The following TMEM131 variants were observed in gnomAD, a reference collection of about 807,000 sequenced individuals.
TMEM131 encodes 2610524E03Rik.
In TMEM131, 66 loss-of-function variants were observed where a neutral mutation model predicts 211.6. The observed-to-expected ratio is 0.31, with a 90% CI of 0.26 to 0.38. TMEM131 has a LOEUF of 0.38. Ranked by LOEUF, TMEM131 falls within the 10% of genes least tolerant of loss-of-function variation. TMEM131 has a pLI of 1.00. For missense variants in TMEM131, 2,036 were observed against 2,299.3 expected (o/e 0.89, Z 2.34); for synonymous variants, 844 against 841.3 (o/e 1.00, Z -0.06).
intron 4 of TMEM131, among the ~76,000 whole-genome samples, chr2:97,873,844 A>T (rs1674585395): frequency 6.6e-6 from 1 of 152,256 alleles, no homozygotes; most frequent in African/African-American, 2.4e-5. Flanking sequence ...CTCGCCAGCA[A>T]GGGAACAAAA....
intron 2 of TMEM131, among the ~76,000 whole-genome samples, chr2:97,909,632 A>T (rs1305321124): frequency 1.3e-5 from 2 of 152,162 alleles, no homozygotes; most frequent in South Asian, 2.1e-4. Flanking sequence ...AAACAGCATT[A>T]TTTTTTCCCA....
At position 97,834,899 on chromosome 2, in the gene TMEM131, T is replaced by A. The variant is rs752386955; in HGVS notation, c.831A>T (p.Gly277=). 6.2e-7 allele frequency: 1 copy of A among 1,613,722 alleles called. No homozygotes were observed. The highest frequency in any genetic ancestry group is 8.5e-7 in the Non-Finnish European group (1 of 1,179,784). ...LWEIPPYETK[G]VMRASFSSRE... is the part of the protein sequence containing the mutation. ...TAGATGAAAAACTGGCTCTCATCAC[T>A]CCCTTGGTTTCATAAGGAGGAATTT... Residue 277 remains glycine (G), a synonymous_variant, in exon 9 of 41, where the codon GGA becomes GGT. Transcript: ENST00000186436.
intron 4 of TMEM131, among the ~76,000 whole-genome samples, chr2:97,865,984 G>A (rs868359999): frequency 6.6e-6 from 1 of 151,980 alleles, no homozygotes; most frequent in South Asian, 2.1e-4. Context: ...CTGGGTTCAC[G>A]CCATTCTCCT....
chr2:97,797,509 G>A lies in TMEM131; in HGVS notation c.2726C>T (p.Pro909Leu). ...EFQVFRNSAH[P>L]LQSSTGFMEG... ...CATAAATCCTGTTGAACTCTGCAGTGGATGAGCCTTGAATCATTGGGTAAA... is the reference window on the plus strand; with the variant it reads ...CATAAATCCTGTTGAACTCTGCAGTAGATGAGCCTTGAATCATTGGGTAAA... Residue 909 changes from proline (P) to leucine (L), a missense_variant, in exon 26 of 41, where the codon CCA becomes CTA. By Grantham distance (98) the Pro-to-Leu change is moderately conservative. This residue lies in a region of TMEM131 where 1,623 missense variants were observed against 1,805.9 expected (regional missense o/e 0.90). Coordinates refer to ENST00000186436, the MANE Select transcript of TMEM131 (RefSeq NM_015348.2). 1 of 1,609,562 alleles carries A rather than the reference G, an allele frequency of 6.2e-7. No homozygotes were observed. The highest frequency in any genetic ancestry group is 8.5e-7 in the Non-Finnish European group (1 of 1,178,164).
At chr2:97,796,493 T>C in intron 27 of TMEM131, 89 bp from the exon 28 acceptor site, 3 of 836,906 alleles carry the variant, frequency 3.6e-6, no homozygotes, top group Non-Finnish European at 5.5e-6. Flanking sequence ...TGAATTACTA[T>C]ATGTCACAGG....
chr2:97,761,054 A>G, intron 36 of TMEM131, 140 bp from the exon 37 acceptor site: 1 of 1,109,632 alleles, frequency 9.0e-7, no homozygotes, highest in Non-Finnish European at 1.3e-6. Flanking sequence ...GCCTCATGTC[A>G]CATGCTCTGG....
In TMEM131 at chr2:97,775,861, T is replaced by C; in HGVS notation, c.4302A>G (p.Thr1434=). 1 of 1,613,468 alleles carries C rather than the reference T, an allele frequency of 6.2e-7. No homozygotes were observed. Among genetic ancestry groups the C allele is most frequent in the Non-Finnish European group, 8.5e-7 (1 of 1,179,718 alleles). The change falls in exon 32 of 41, where the codon ACA becomes ACG. Residue 1434 remains threonine, a synonymous_variant. Coordinates refer to ENST00000186436, the MANE Select transcript of TMEM131 (RefSeq NM_015348.2). ...CCCGTACCTCCTTGAGGAGCGGTTC[T>C]GTGTCAGGGTTGGAGGTCTCTGTGG... The part of the protein sequence containing the change: ...STTTETSNPD[T]EPLLKEDTEK...
At chr2:97,916,432 TAA>T (rs1268068194) in intron 2 of TMEM131, among the ~76,000 whole-genome samples, 1 of 152,208 alleles carries the variant, frequency 6.6e-6, no homozygotes, top group African/African-American at 2.4e-5. Context: ...GGAAAGTCTG[TAA>T]AAGCAGCATT....
At chr2:97,849,424 A>G (rs2105133273) in intron 5 of TMEM131, among the ~76,000 whole-genome samples, 1 of 152,312 alleles carries the variant, frequency 6.6e-6, no homozygotes, top group South Asian at 2.1e-4. Context: ...TACACCAACC[A>G]ATATGAAATG....
chr2:97,812,973 C>T (rs1559375361), intron 15 of TMEM131, among the ~76,000 whole-genome samples: 1 of 151,486 alleles, frequency 6.6e-6, no homozygotes, highest in Non-Finnish European at 1.5e-5. Context: ...GCTTGGGAAA[C>T]ACAGCGAGAC....
At chr2:97,882,548 C>T (rs1228088752) in intron 4 of TMEM131, among the ~76,000 whole-genome samples, 2 of 152,206 alleles carry the variant, frequency 1.3e-5, no homozygotes, top group Non-Finnish European at 2.9e-5. Context: ...TCTCTCCTCT[C>T]CTCAGGATCT....
chr2:97,979,692 G>A (rs1480477591), intron 1 of TMEM131, among the ~76,000 whole-genome samples: 1 of 152,206 alleles, frequency 6.6e-6, no homozygotes, highest in African/African-American at 2.4e-5. Flanking sequence ...TAGAATGCTT[G>A]TGGCTGGTCT....
chr2:97,818,481 G>GGGGGGAAAAAAAAAAAAAAAAAA, intron 12 of TMEM131, 132 bp downstream of exon 12: 1 of 292,102 alleles, frequency 3.4e-6, no homozygotes, highest in East Asian at 3.8e-5. Context: ...GGCGGGGGGG[G>GGGGGGAAAAAAAAAAAAAAAAAA]ATCAACCTAA....
At chr2:97,919,172 A>G (rs1241381450) in intron 2 of TMEM131, among the ~76,000 whole-genome samples, 1 of 152,238 alleles carries the variant, frequency 6.6e-6, no homozygotes, top group Non-Finnish European at 1.5e-5. Context: ...GCCACAATGC[A>G]TTAGTCAAAA....
At chr2:97,953,517 C>A (rs1678420954) in intron 1 of TMEM131, among the ~76,000 whole-genome samples, 1 of 152,124 alleles carries the variant, frequency 6.6e-6, no homozygotes, top group South Asian at 2.1e-4. Context: ...ATGCACCAAA[C>A]AACAGAGTTG....
chr2:97,805,553 T>G lies in TMEM131; in HGVS notation c.2206A>C (p.Lys736Gln). ...KEDLEPGKKS[K>Q]IANIYFDPGL... ...TCTCAAATATAATATCTTCAAACCTTTGATTTTTTTCCTGGCTCCAAGTCT... is the reference window on the plus strand; with the variant it reads ...TCTCAAATATAATATCTTCAAACCTGTGATTTTTTTCCTGGCTCCAAGTCT... The change falls in exon 20 of 41, where the codon AAG becomes CAG. Residue 736 changes from lysine to glutamine, a missense_variant and splice_region_variant. Transcript: ENST00000186436. 1 of 1,607,732 alleles carries G rather than the reference T, an allele frequency of 6.2e-7. No individual in the cohort carries two copies. Among genetic ancestry groups the G allele is most frequent in the African/African-American group, 1.3e-5 (1 of 74,750 alleles).
At chr2:97,802,300 C>T in intron 24 of TMEM131, 128 bp downstream of exon 24, 1 of 766,950 alleles carries the variant, frequency 1.3e-6, no homozygotes, top group Non-Finnish European at 2.0e-6. Flanking sequence ...CTTCTCTCAA[C>T]CTTATAGATC....
At chr2:97,927,575 T>C in intron 1 of TMEM131, 88 bp from the exon 2 acceptor site, 3 of 1,101,094 alleles carry the variant, frequency 2.7e-6, no homozygotes, top group Non-Finnish European at 3.7e-6. Context: ...ATTAATATAA[T>C]TTTATATCTA....
chr2:97,781,524 T>C (rs540103193), intron 31 of TMEM131, among the ~76,000 whole-genome samples: 22 of 152,328 alleles, frequency 1.4e-4, no homozygotes, highest in African/African-American at 4.8e-4. Flanking sequence ...TCTGATCCCA[T>C]TTCAGTCTCT....
Sources: allele counts gnomAD v4.1 joint callset (sites outside exome capture counted in the v4.1 genomes callset), GRCh38; gene constraint gnomAD v4.1.1; regional missense constraint gnomAD v4.1.1; transcripts MANE v1.5; gene names NCBI Gene and HGNC (gene_info 2026-07-23, HGNC 2026-07-21).